PDIA6: variants seen among roughly 807,000 people sequenced by gnomAD.
PDIA6 encodes the protein protein disulfide-isomerase A6.
Under a neutral mutation model 58.4 loss-of-function variants are expected in PDIA6, and 29 were observed. That is an observed-to-expected ratio of 0.50 (90% CI 0.37 to 0.68). The LOEUF is 0.68. Among genes scored for constraint, PDIA6 ranks in the 30% least tolerant of loss-of-function variants. The pLI, the probability that PDIA6 is intolerant of heterozygous loss-of-function variation, is 0.00. For synonymous variants in PDIA6, 192 were observed against 202.6 expected (o/e 0.95, Z 0.44); for missense variants, 480 against 551.0 (o/e 0.87, Z 1.29).
At chr2:10,794,264 G>A (rs1337183644) in intron 4 of PDIA6, among the ~76,000 whole-genome samples, 1 of 151,682 alleles carries the variant, frequency 6.6e-6, no homozygotes, top group African/African-American at 2.4e-5. Context: ...TGCCCAACAT[G>A]GTGAAACCCT....
At chr2:10,803,911 G>GGTTTTTTTTTTTT (rs1553339551) in intron 1 of PDIA6, among the ~76,000 whole-genome samples, 1 of 117,892 alleles carries the variant, frequency 8.5e-6, no homozygotes, top group Non-Finnish European at 1.8e-5. Context: ...TAGTTTTTGT[G>GGTTTTTTTTTTTT]TTTTTTTTTT....
At chr2:10,821,754 A>C (rs1316621968) in intron 1 of PDIA6, among the ~76,000 whole-genome samples, 1 of 151,642 alleles carries the variant, frequency 6.6e-6, no homozygotes. Flanking sequence ...GCTCCCAAGT[A>C]ATTGTGACCA....
chr2:10,802,116 TA>T (rs1298399334), intron 2 of PDIA6, among the ~76,000 whole-genome samples: 1 of 152,262 alleles, frequency 6.6e-6, no homozygotes, highest in African/African-American at 2.4e-5. Flanking sequence ...ATTACATTTT[TA>T]CCCCACAAGG....
intron 2 of PDIA6, among the ~76,000 whole-genome samples, chr2:10,799,056 G>A (rs1296277485): frequency 2.6e-5 from 4 of 152,194 alleles, no homozygotes; most frequent in African/African-American, 9.7e-5. Flanking sequence ...GAGAGGAGGA[G>A]AGAAGAGAAC....
Position 10,790,824 on chromosome 2 carries a change from T to G in PDIA6, c.594A>C (p.Pro198=). 2 of 1,612,256 alleles carry G rather than the reference T, an allele frequency of 1.2e-6. No homozygotes were observed. The highest frequency in any genetic ancestry group is 1.7e-6 in the Non-Finnish European group (2 of 1,178,288). The change falls in exon 7 of 13, where the codon CCA becomes CCC. Residue 198 remains proline, a synonymous_variant. Coordinates refer to ENST00000272227, the MANE Select transcript of PDIA6 (RefSeq NM_005742.4). ...PWCGHCKNLE[P]EWAAAASEVK... The stretch of plus-strand genomic sequence containing the variant: ...CTTCTGAAGCTGCGGCAGCCCACTC[T>G]GGCTCTAGGCTATAGAAAAATATTC...
At chr2:10,810,415 A>G (rs1666954498) in intron 1 of PDIA6, 6 of 1,443,584 alleles carry the variant, frequency 4.2e-6, no homozygotes, top group Non-Finnish European at 5.4e-6. Context: ...TGCTGTTACA[A>G]GCAGGCTGCA....
chr2:10,833,661 C>T (rs1375927475), upstream of PDIA6, among the ~76,000 whole-genome samples: 8 of 152,220 alleles, frequency 5.3e-5, no homozygotes, highest in Non-Finnish European at 1.2e-4. Context: ...GAGACACATC[C>T]CTCTTATACC....
chr2:10,813,063 A>G (rs1301191785), upstream of PDIA6, among the ~76,000 whole-genome samples: 1 of 151,998 alleles, frequency 6.6e-6, no homozygotes, highest in Non-Finnish European at 1.5e-5. Flanking sequence ...AGGGGAGTCC[A>G]GTACTGGGCG....
At chr2:10,822,538 A>C (rs1346577349) in intron 1 of PDIA6, among the ~76,000 whole-genome samples, 1 of 152,236 alleles carries the variant, frequency 6.6e-6, no homozygotes, top group Non-Finnish European at 1.5e-5. Context: ...CTAGGATTAC[A>C]GGCGTGAGCC....
intron 1 of PDIA6, chr2:10,819,407 A>G: frequency 9.4e-7 from 1 of 1,065,880 alleles, no homozygotes. Flanking sequence ...GGAAACTATT[A>G]CCGAATGTTC....
intron 1 of PDIA6, among the ~76,000 whole-genome samples, chr2:10,809,669 A>AAAC: frequency 1.1e-5 from 1 of 90,160 alleles, no homozygotes; most frequent in Admixed American, 1.4e-4. Flanking sequence ...AAAAAAAAAA[A>AAAC]AAACCCAAAA....
chr2:10,813,030 G>A (rs1667077783), upstream of PDIA6, among the ~76,000 whole-genome samples: 1 of 152,156 alleles, frequency 6.6e-6, no homozygotes, highest in Non-Finnish European at 1.5e-5. Context: ...AGCTCCTCCG[G>A]GCCCTCTCGG....
At position 10,809,515 on chromosome 2, in the gene PDIA6, G is replaced by A. The variant is rs1039292201; in HGVS notation, c.19+3163C>T. ...ACATGGCAAAACTCCATCTCTTGTAGAGAAAAAATATGAAATACAAAAATG... is the reference window on the plus strand; with the variant it reads ...ACATGGCAAAACTCCATCTCTTGTAAAGAAAAAATATGAAATACAAAAATG... On this transcript the variant is annotated intron_variant, in intron 1 of 12. Transcript: ENST00000272227. Among the ~76,000 whole-genome samples the A allele has an allele frequency of 9.6e-4, 146 of 151,936 alleles. 1 individual carries two copies. The highest frequency in any genetic ancestry group is 3.3e-3 in the African/African-American group (136 of 41,454).
chr2:10,795,362 AAAAC>A (rs2148543866), intron 4 of PDIA6, among the ~76,000 whole-genome samples: 1 of 152,302 alleles, frequency 6.6e-6, no homozygotes, highest in South Asian at 2.1e-4. Context: ...GAGGAAAACT[AAAAC>A]AAATTATTAT....
chr2:10,783,704 T>A lies in PDIA6; in HGVS notation c.*554A>T, dbSNP rs2148524311. Reference sequence around the variant, plus strand: ...TTTCCATGTAAAATCTCTGTTGTGGTGGGCATAGGTGGCACCATCTAAAGA... The same window carrying A: ...TTTCCATGTAAAATCTCTGTTGTGGAGGGCATAGGTGGCACCATCTAAAGA... On this transcript the variant is annotated 3_prime_UTR_variant, in exon 13 of 13. Transcript: ENST00000272227. 1 of 161,006 alleles carries A rather than the reference T, an allele frequency of 6.2e-6. No individual in the cohort carries two copies. The highest frequency in any genetic ancestry group is 1.8e-4 in the South Asian group (1 of 5,504). The allele number at this position is 161,006 out of a possible 1,614,324, so 10.0% of individuals were successfully genotyped here. A position where few individuals can be genotyped will look rare whatever the true frequency, so the allele number is the denominator to read the frequency against.
At chr2:10,807,540 G>T (rs531064299) in intron 1 of PDIA6, among the ~76,000 whole-genome samples, 1 of 152,268 alleles carries the variant, frequency 6.6e-6, no homozygotes, top group African/African-American at 2.4e-5. Flanking sequence ...TGTCTTTTCA[G>T]CATCTCTGAA....
In PDIA6 at chr2:10,783,529, C is replaced by T; in HGVS notation, c.*729G>A. 2.9e-6 allele frequency: 1 copy of T among 344,844 alleles called. No homozygotes were observed. Among genetic ancestry groups the T allele is most frequent in the Non-Finnish European group, 5.4e-6 (1 of 185,056 alleles). 21.4% of individuals were successfully genotyped at this position (344,844 alleles called of 1,614,324 possible). A position where few individuals can be genotyped will look rare whatever the true frequency, so the allele number is the denominator to read the frequency against. ...ACCTGTTCGCATTGGTAACCTGCTG[C>T]TGTATTTCATGTCTTAACGGCTATT... On this transcript the variant is annotated 3_prime_UTR_variant, in exon 13 of 13. Coordinates refer to ENST00000272227, the MANE Select transcript of PDIA6 (RefSeq NM_005742.4).
chr2:10,830,650 C>T (rs1667684187), intron 1 of PDIA6, among the ~76,000 whole-genome samples: 1 of 152,242 alleles, frequency 6.6e-6, no homozygotes, highest in African/African-American at 2.4e-5. Context: ...GTAGGAGATA[C>T]TTAAGTCTTC....
upstream of PDIA6, among the ~76,000 whole-genome samples, chr2:10,815,043 G>C (rs1022625947): frequency 9.9e-5 from 15 of 152,184 alleles, no homozygotes; most frequent in Admixed American, 2.6e-4. Flanking sequence ...AGCTGCACGA[G>C]GCACACACCC....
Sources: allele counts gnomAD v4.1 joint callset (sites outside exome capture counted in the v4.1 genomes callset), GRCh38; gene constraint gnomAD v4.1.1; transcripts MANE v1.5; gene names NCBI Gene and HGNC (gene_info 2026-07-23, HGNC 2026-07-21).